Variants in TMEM108 observed in about 807,000 individuals in gnomAD.
TMEM108 encodes the protein transmembrane protein 108.
Under a neutral mutation model 35.1 loss-of-function variants are expected in TMEM108, and 12 were observed. The ratio of observed to expected loss-of-function variants is 0.34; its 90% CI spans 0.22 to 0.55. TMEM108 has a LOEUF of 0.55. Among genes scored for constraint, TMEM108 ranks in the 20% least tolerant of loss-of-function variants. The probability of loss-of-function intolerance (pLI) is 0.89; values close to 1 mark genes in which losing one functional copy is unlikely to be tolerated. For synonymous variants in TMEM108, 287 were observed against 308.6 expected, an observed-to-expected ratio of 0.93 and a Z score of 0.73; for missense variants, 680 against 753.3, an observed-to-expected ratio of 0.90 and a Z score of 1.14.
At chr3:133,284,561 G>T (rs1337654457) in intron 3 of TMEM108, among the ~76,000 whole-genome samples, 1 of 152,180 alleles carries the variant, frequency 6.6e-6, no homozygotes, top group Non-Finnish European at 1.5e-5. Flanking sequence ...TAGGATAGGA[G>T]CCTGAAAGGT....
intron 2 of TMEM108, among the ~76,000 whole-genome samples, chr3:133,115,906 A>T (rs750542262): frequency 6.6e-6 from 1 of 152,138 alleles, no homozygotes; most frequent in African/African-American, 2.4e-5. Context: ...ATCTGTTCTC[A>T]TGTGTGAGTT....
rs968147504 is a variant in TMEM108, at chr3:133,172,890, G to A, written c.-46-56376G>A. Among the ~76,000 whole-genome samples the A allele has an allele frequency of 2.6e-5, 4 of 152,142 alleles. No individual in the cohort carries two copies. The South Asian group carries it at 8.3e-4, about 32-fold the overall frequency. ...ATAGTAAATCTCATGAGATCTGATG[G>A]TTTTATAAGGGGGAGTTTCCCTCCA... On this transcript the variant is annotated intron_variant, in intron 2 of 5. Transcript: ENST00000321871.
intron 1 of TMEM108, among the ~76,000 whole-genome samples, chr3:133,043,141 G>A (rs1321642186): frequency 6.6e-6 from 1 of 152,188 alleles, no homozygotes; most frequent in Non-Finnish European, 1.5e-5. Context: ...TCAATCAGAT[G>A]TTCTTAAGTT....
At chr3:133,263,346 C>T (rs1294425264) in intron 3 of TMEM108, among the ~76,000 whole-genome samples, 1 of 152,140 alleles carries the variant, frequency 6.6e-6, no homozygotes, top group African/African-American at 2.4e-5. Flanking sequence ...TTAAAAGCTC[C>T]ATCAATTCTT....
At chr3:133,299,300 AT>A (rs1947186809) in intron 3 of TMEM108, among the ~76,000 whole-genome samples, 1 of 152,172 alleles carries the variant, frequency 6.6e-6, no homozygotes, top group South Asian at 2.1e-4. Context: ...TGGCAGATAG[AT>A]TAACCAACAG....
intron 2 of TMEM108, among the ~76,000 whole-genome samples, chr3:133,122,173 CA>C (rs937518519): frequency 1.3e-4 from 19 of 145,882 alleles, no homozygotes; most frequent in Admixed American, 2.7e-4. Flanking sequence ...CCTCTACCTC[CA>C]AAAAAAAAAG....
At chr3:133,051,793 A>G (rs897674004) in intron 2 of TMEM108, among the ~76,000 whole-genome samples, 2 of 152,122 alleles carry the variant, frequency 1.3e-5, no homozygotes, top group Non-Finnish European at 2.9e-5. Flanking sequence ...CCTTTGGCAA[A>G]GATCAGCTGA....
intron 2 of TMEM108, among the ~76,000 whole-genome samples, chr3:133,187,637 C>G (rs886536938): frequency 6.6e-6 from 1 of 152,078 alleles, no homozygotes; most frequent in Non-Finnish European, 1.5e-5. Context: ...ATAATCCCAG[C>G]TGCTTGGGAG....
intron 2 of TMEM108, among the ~76,000 whole-genome samples, chr3:133,169,982 A>C (rs548881304): frequency 2.0e-4 from 31 of 152,312 alleles, no homozygotes; most frequent in African/African-American, 7.2e-4. Flanking sequence ...GTTCATTAAC[A>C]ATGCATTCAT....
chr3:133,334,118 A>G (rs536329375), intron 3 of TMEM108, among the ~76,000 whole-genome samples: 10 of 151,624 alleles, frequency 6.6e-5, no homozygotes, highest in African/African-American at 9.7e-5. Context: ...CCTCCTGGGG[A>G]AAAAAAAAGA....
At chr3:133,065,669 T>TA (rs1199916516) in intron 2 of TMEM108, among the ~76,000 whole-genome samples, 7 of 152,192 alleles carry the variant, frequency 4.6e-5, no homozygotes, top group South Asian at 2.1e-4. Context: ...TTATTAAATT[T>TA]AAAAAAAATT....
At chr3:133,068,332 G>A (rs1185660649) in intron 2 of TMEM108, among the ~76,000 whole-genome samples, 2 of 152,106 alleles carry the variant, frequency 1.3e-5, no homozygotes, top group Non-Finnish European at 2.9e-5. Context: ...GGGCAGGTTG[G>A]AGGGAGAGAA....
At chr3:133,344,811 T>C (rs1390415913) in intron 3 of TMEM108, among the ~76,000 whole-genome samples, 1 of 151,864 alleles carries the variant, frequency 6.6e-6, no homozygotes, top group African/African-American at 2.4e-5. Context: ...TACTATACTT[T>C]GTATTACATA....
chr3:133,206,551 C>T (rs1299185824), intron 2 of TMEM108, among the ~76,000 whole-genome samples: 1 of 152,196 alleles, frequency 6.6e-6, no homozygotes, highest in African/African-American at 2.4e-5. Flanking sequence ...TTCTAAGAGT[C>T]AGGCCCCTCT....
chr3:133,253,212 A>G (rs1329922399), intron 3 of TMEM108: 3 of 152,208 alleles, frequency 2.0e-5, no homozygotes, highest in Admixed American at 1.3e-4. Context: ...GAAATACCAT[A>G]TAAGACAAGA....
chr3:133,154,683 G>A (rs1177087477), intron 2 of TMEM108, among the ~76,000 whole-genome samples: 2 of 152,028 alleles, frequency 1.3e-5, no homozygotes. Context: ...GACACAGGAA[G>A]GGGAACATCA....
intron 2 of TMEM108, among the ~76,000 whole-genome samples, chr3:133,146,008 T>G (rs1415379427): frequency 6.6e-6 from 1 of 152,220 alleles, no homozygotes; most frequent in Non-Finnish European, 1.5e-5. Context: ...CTATGTTGAA[T>G]AGGAGTGGTG....
chr3:133,100,054 TA>T (rs1944067771), intron 2 of TMEM108, among the ~76,000 whole-genome samples: 1 of 152,224 alleles, frequency 6.6e-6, no homozygotes, highest in African/African-American at 2.4e-5. Context: ...AAGAGACGTT[TA>T]ATTGGATTTA....
chr3:133,160,367 A>G (rs1420300709), intron 2 of TMEM108, among the ~76,000 whole-genome samples: 2 of 152,164 alleles, frequency 1.3e-5, no homozygotes, highest in African/African-American at 4.8e-5. Flanking sequence ...ACATAGGCAC[A>G]CCTAAGGAGC....
Sources: gnomAD v4.1 joint callset for allele counts (sites outside exome capture counted in the v4.1 genomes callset) on GRCh38, gnomAD v4.1.1 for gene constraint, MANE v1.5 for transcripts, NCBI Gene and HGNC (gene_info 2026-07-23, HGNC 2026-07-21) for gene names.